The following PHKB variants were observed in gnomAD, a reference collection of about 807,000 sequenced individuals.
PHKB encodes phosphorylase b kinase regulatory subunit beta.
A neutral mutation model predicts 152.1 loss-of-function variants in PHKB; 122 were observed. The observed-to-expected ratio is 0.80, with a 90% confidence interval of 0.69 to 0.93. The LOEUF (loss-of-function observed/expected upper bound fraction) is 0.93. Ranked by LOEUF, PHKB falls within the 40% of genes least tolerant of loss-of-function variation. The pLI, the probability that PHKB is intolerant of heterozygous loss-of-function variation, is 0.00. For missense variants in PHKB, 1,304 were observed against 1,328.4 expected, an observed-to-expected ratio of 0.98 and a Z score of 0.29; for synonymous variants, 436 against 464.9, an observed-to-expected ratio of 0.94 and a Z score of 0.80.
intron 13 of PHKB, among the ~76,000 whole-genome samples, chr16:47,606,725 T>TACC (rs1240883054): frequency 3.3e-5 from 5 of 152,192 alleles, no homozygotes; most frequent in African/African-American, 9.7e-5. Context: ...TTCCTACCAC[T>TACC]ACCACCCCTC....
chr16:47,502,898 T>G (rs985741849), intron 3 of PHKB, 93 bp from the exon 4 acceptor site: 1 of 792,662 alleles, frequency 1.3e-6, no homozygotes, highest in African/African-American at 1.7e-5. Flanking sequence ...GAACACAGGA[T>G]TAGCCAGATA....
At chr16:47,650,978 G>A in intron 20 of PHKB, 57 bp downstream of exon 20, 6 of 1,179,310 alleles carry the variant, frequency 5.1e-6, no homozygotes, top group South Asian at 3.6e-5. Context: ...CTACAATACA[G>A]CTATGTTTCT....
intron 20 of PHKB, among the ~76,000 whole-genome samples, 186 bp from the exon 21 acceptor site, chr16:47,660,320 G>A (rs528351389): frequency 6.6e-6 from 1 of 151,680 alleles, no homozygotes; most frequent in Non-Finnish European, 1.5e-5. Context: ...CTATTTTAGG[G>A]TTTTTTTTGT....
chr16:47,612,999 A>G (rs1972455100), intron 14 of PHKB, among the ~76,000 whole-genome samples: 1 of 152,186 alleles, frequency 6.6e-6, no homozygotes, highest in Admixed American at 6.5e-5. Context: ...TAACTAACTG[A>G]TCTTTGGGAA....
intron 26 of PHKB, among the ~76,000 whole-genome samples, chr16:47,670,212 T>G (rs900844649): frequency 6.6e-6 from 1 of 152,210 alleles, no homozygotes; most frequent in African/African-American, 2.4e-5. Flanking sequence ...AAGAGCCCAA[T>G]GATATCTGAG....
At chr16:47,527,525 G>C (rs1970788874) in intron 6 of PHKB, among the ~76,000 whole-genome samples, 1 of 152,002 alleles carries the variant, frequency 6.6e-6, no homozygotes, top group African/African-American at 2.4e-5. Flanking sequence ...GATTAAAAGA[G>C]AAAAAAGGAA....
Position 47,621,099 on chromosome 16 carries a change from C to G in PHKB, c.1458+10179C>G, listed in dbSNP as rs960059291. On this transcript the variant is annotated intron_variant, in intron 14 of 30. Coordinates refer to ENST00000323584, the MANE Select transcript of PHKB (RefSeq NM_000293.3). ...CTGCAGTATAATCTGGGGAAGGACT[C>G]CTAGCATCTCTGGAGTGTAGTTCTC... Among the ~76,000 whole-genome samples, 6 of 152,246 alleles carry G rather than the reference C, an allele frequency of 3.9e-5. No homozygotes were observed. The East Asian group carries it at 9.7e-4, about 25-fold the overall frequency.
At chr16:47,541,224 C>T (rs1004827677) in intron 6 of PHKB, among the ~76,000 whole-genome samples, 7 of 152,122 alleles carry the variant, frequency 4.6e-5, no homozygotes, top group African/African-American at 1.7e-4. Flanking sequence ...TCAATTCGCA[C>T]CTATGAGTGA....
chr16:47,627,317 G>A (rs1043798058), intron 14 of PHKB, among the ~76,000 whole-genome samples: 1 of 152,150 alleles, frequency 6.6e-6, no homozygotes, highest in South Asian at 2.1e-4. Context: ...GGCCATTTTG[G>A]CATTGTTTCT....
intron 1 of PHKB, among the ~76,000 whole-genome samples, chr16:47,471,011 G>A (rs902124688): frequency 1.3e-5 from 2 of 152,146 alleles, no homozygotes; most frequent in African/African-American, 4.8e-5. Context: ...AATCACCCTA[G>A]TCAATGCACA....
At chr16:47,529,957 G>A (rs1187664373) in intron 6 of PHKB, 1 of 151,988 alleles carries the variant, frequency 6.6e-6, no homozygotes. Context: ...TTCAATAGGT[G>A]CATAAAACAT....
intron 6 of PHKB, among the ~76,000 whole-genome samples, chr16:47,533,349 G>A (rs186219260): frequency 6.0e-4 from 92 of 152,210 alleles, no homozygotes; most frequent in African/African-American, 1.7e-3. Context: ...CAGTCCAGCC[G>A]CCAGCCTTCA....
At chr16:47,692,889 T>A (rs934307013) in intron 27 of PHKB, among the ~76,000 whole-genome samples, 1 of 152,202 alleles carries the variant, frequency 6.6e-6, no homozygotes, top group South Asian at 2.1e-4. Flanking sequence ...AATTTTATTC[T>A]ATATAAAATG....
chr16:47,621,545 A>G (rs969990079), intron 14 of PHKB, among the ~76,000 whole-genome samples: 2 of 152,188 alleles, frequency 1.3e-5, no homozygotes, highest in Non-Finnish European at 2.9e-5. Flanking sequence ...AATGCTCTCA[A>G]ATAGTTTAAC....
chr16:47,603,503 CTTTTT>C (rs1200510899), intron 13 of PHKB, among the ~76,000 whole-genome samples: 1 of 132,582 alleles, frequency 7.5e-6, no homozygotes, highest in Admixed American at 7.6e-5. Flanking sequence ...AACTGACTTT[CTTTTT>C]TTTTTTTTTT....
intron 3 of PHKB, 46 bp downstream of exon 3, chr16:47,499,940 G>A: frequency 6.2e-7 from 1 of 1,609,356 alleles, no homozygotes; most frequent in East Asian, 2.2e-5. Flanking sequence ...GTGGATAATA[G>A]GGTTTTGTAG....
rs1487898385 is a variant in PHKB, at chr16:47,560,920, C to A, written c.710+13372C>A. Among the ~76,000 whole-genome samples, 3 of 151,918 alleles carry A rather than the reference C, an allele frequency of 2.0e-5. No individual in the cohort carries two copies. In the East Asian group the frequency reaches 5.8e-4, roughly 29 times the overall value. On this transcript the variant is annotated intron_variant, in intron 7 of 30. Transcript: ENST00000323584. ...GATATATTTTGTGGGAAGATTTTTG[C>A]AAATATGTATATATGGTATAAGGAA...
intron 14 of PHKB, among the ~76,000 whole-genome samples, chr16:47,637,162 T>A (rs912245622): frequency 6.6e-6 from 1 of 152,168 alleles, no homozygotes; most frequent in Non-Finnish European, 1.5e-5. Context: ...CTCATCGGAA[T>A]GGCCTGCCTG....
chr16:47,628,944 T>C (rs916713011), intron 14 of PHKB, among the ~76,000 whole-genome samples: 6 of 152,092 alleles, frequency 3.9e-5, no homozygotes, highest in African/African-American at 1.4e-4. Flanking sequence ...ATTTAATAAA[T>C]GGTGCTGGGA....
Sources: gnomAD v4.1 joint callset for allele counts (sites outside exome capture counted in the v4.1 genomes callset) on GRCh38, gnomAD v4.1.1 for gene constraint, MANE v1.5 for transcripts, NCBI Gene and HGNC (gene_info 2026-07-23, HGNC 2026-07-21) for gene names.